The following IMMP2L variants were observed in gnomAD, a reference collection of about 807,000 sequenced individuals.
IMMP2L encodes the protein mitochondrial inner membrane protease subunit 2.
In IMMP2L, 18 loss-of-function variants were observed where a neutral mutation model predicts 19.3. The observed-to-expected ratio is 0.93, with a 90% CI of 0.64 to 1.38. The LOEUF (loss-of-function observed/expected upper bound fraction) is 1.38, where lower values mean the gene tolerates loss of function less well. Ranked by LOEUF, IMMP2L falls within the 40% of genes most tolerant of loss-of-function variation. The probability of loss-of-function intolerance (pLI) is 0.00; values close to 1 mark genes in which losing one functional copy is unlikely to be tolerated. For synonymous variants in IMMP2L, 76 were observed against 73.0 expected (o/e 1.04, Z -0.21); for missense variants, 233 against 218.2 (o/e 1.07, Z -0.43).
At chr7:111,016,605 TTA>T (rs1825610093) in intron 3 of IMMP2L, among the ~76,000 whole-genome samples, 1 of 110,646 alleles carries the variant, frequency 9.0e-6, no homozygotes, top group African/African-American at 3.9e-5. Flanking sequence ...GTACTATATA[TTA>T]TATATAATAT....
intron 3 of IMMP2L, among the ~76,000 whole-genome samples, chr7:111,013,656 C>CAT (rs1369577448): frequency 6.6e-6 from 1 of 152,094 alleles, no homozygotes; most frequent in Non-Finnish European, 1.5e-5. Flanking sequence ...TACAAACTCC[C>CAT]ATATATGCCC....
chr7:111,054,135 G>C (rs1320954153), intron 3 of IMMP2L, among the ~76,000 whole-genome samples: 1 of 152,084 alleles, frequency 6.6e-6, no homozygotes. Context: ...ATTTTTAAGA[G>C]TGTACTTAAA....
At chr7:110,917,148 C>T (rs1363158326) in intron 4 of IMMP2L, among the ~76,000 whole-genome samples, 1 of 152,090 alleles carries the variant, frequency 6.6e-6, no homozygotes, top group Non-Finnish European at 1.5e-5. Context: ...AAGATGGAGG[C>T]AGAGAATGAG....
chr7:111,027,629 G>A (rs896781236), intron 3 of IMMP2L, among the ~76,000 whole-genome samples: 2 of 151,970 alleles, frequency 1.3e-5, no homozygotes, highest in African/African-American at 4.8e-5. Flanking sequence ...AATGCTCTTG[G>A]TCTACAGACA....
chr7:111,399,753 T>C (rs1318262077), intron 3 of IMMP2L, among the ~76,000 whole-genome samples: 1 of 152,130 alleles, frequency 6.6e-6, no homozygotes, highest in Non-Finnish European at 1.5e-5. Flanking sequence ...CTTTTAAACA[T>C]GTAGTAGTAT....
chr7:110,951,831 A>G lies in IMMP2L; in HGVS notation c.305+11669T>C, dbSNP rs527762872. 3.9e-5 allele frequency among the ~76,000 whole-genome samples: 6 copies of G among 152,220 alleles called. No individual in the cohort carries two copies. In the East Asian group the frequency reaches 1.2e-3, roughly 29 times the overall value. Reference sequence around the variant, plus strand: ...TTTTAATAAAAATGTAAAAGCATCCATAACTAATTAAATCAATAACTTGAA... The same window carrying G: ...TTTTAATAAAAATGTAAAAGCATCCGTAACTAATTAAATCAATAACTTGAA... On this transcript the variant is annotated intron_variant, in intron 4 of 5. Transcript: ENST00000405709.
intron 3 of IMMP2L, among the ~76,000 whole-genome samples, chr7:111,353,982 T>C (rs1828443219): frequency 6.6e-6 from 1 of 151,992 alleles, no homozygotes; most frequent in African/African-American, 2.4e-5. Context: ...GGTGATAAAA[T>C]GGTATAAGGA....
chr7:110,689,334 A>G (rs546097852), intron 5 of IMMP2L, among the ~76,000 whole-genome samples: 1 of 152,102 alleles, frequency 6.6e-6, no homozygotes, highest in South Asian at 2.1e-4. Context: ...TAGTATGCAC[A>G]TGTTATTTTT....
chr7:111,333,858 T>C (rs766002318), intron 3 of IMMP2L, among the ~76,000 whole-genome samples: 2 of 152,228 alleles, frequency 1.3e-5, no homozygotes, highest in East Asian at 1.9e-4. Context: ...AGATGGCCTA[T>C]TGTGGGACCT....
intron 3 of IMMP2L, among the ~76,000 whole-genome samples, chr7:110,976,998 T>C (rs1820765520): frequency 6.6e-6 from 1 of 151,946 alleles, no homozygotes. Context: ...ATAACTCTAA[T>C]AAGAAAGAGT....
intron 5 of IMMP2L, among the ~76,000 whole-genome samples, chr7:110,828,935 A>C (rs2131373418): frequency 6.6e-6 from 1 of 152,278 alleles, no homozygotes; most frequent in Middle Eastern, 3.4e-3. Context: ...AATGAGTATA[A>C]GTTCTGTGCC....
Position 111,184,342 on chromosome 7 carries a change from G to T in IMMP2L, c.240-220777C>A, listed in dbSNP as rs183893540. 7.6e-4 allele frequency among the ~76,000 whole-genome samples: 115 copies of T among 151,930 alleles called. 1 individual carries two copies. The highest frequency in any genetic ancestry group is 2.6e-3 in the African/African-American group (107 of 41,438). Reference sequence around the variant, plus strand: ...TCCATCTAAAATGACACCCTGAAAGGTATCATCATTTACAAAAATTATGTT... The same window carrying T: ...TCCATCTAAAATGACACCCTGAAAGTTATCATCATTTACAAAAATTATGTT... On this transcript the variant is annotated intron_variant, in intron 3 of 5. Transcript: ENST00000405709.
At chr7:110,856,624 T>G (rs571325292) in intron 5 of IMMP2L, among the ~76,000 whole-genome samples, 1 of 152,046 alleles carries the variant, frequency 6.6e-6, no homozygotes, top group Non-Finnish European at 1.5e-5. Context: ...TCAAATCAAT[T>G]TGGCACGTAA....
chr7:110,883,857 TA>T (rs1411397121), intron 5 of IMMP2L, among the ~76,000 whole-genome samples: 1 of 151,916 alleles, frequency 6.6e-6, no homozygotes, highest in Non-Finnish European at 1.5e-5. Context: ...TAAAGCTAGA[TA>T]AAAATGATAG....
chr7:111,021,802 G>A (rs1585799490), intron 3 of IMMP2L, among the ~76,000 whole-genome samples: 1 of 152,280 alleles, frequency 6.6e-6, no homozygotes, highest in East Asian at 1.9e-4. Context: ...AGAATTGCTT[G>A]AATCCAGAAG....
At chr7:111,019,518 G>A (rs529220812) in intron 3 of IMMP2L, among the ~76,000 whole-genome samples, 2 of 152,200 alleles carry the variant, frequency 1.3e-5, no homozygotes, top group African/African-American at 4.8e-5. Context: ...AGCCAGTAAG[G>A]GGGCCTCCAC....
chr7:110,666,804 AG>A (rs1791488091), intron 5 of IMMP2L, among the ~76,000 whole-genome samples: 1 of 152,210 alleles, frequency 6.6e-6, no homozygotes, highest in South Asian at 2.1e-4. Flanking sequence ...AATAGTTTCA[AG>A]GTGACTACAC....
At chr7:111,197,322 G>T (rs1809612611) in intron 3 of IMMP2L, among the ~76,000 whole-genome samples, 1 of 152,032 alleles carries the variant, frequency 6.6e-6, no homozygotes, top group Admixed American at 6.6e-5. Flanking sequence ...AATTAGCCGG[G>T]CGTGGTGGCG....
intron 3 of IMMP2L, among the ~76,000 whole-genome samples, chr7:111,367,837 G>A (rs1384011596): frequency 1.3e-5 from 2 of 151,620 alleles, no homozygotes; most frequent in African/African-American, 4.8e-5. Flanking sequence ...GAAAACAGAG[G>A]TAAAATGCCC....
Sources: allele counts gnomAD v4.1 joint callset (sites outside exome capture counted in the v4.1 genomes callset), GRCh38; gene constraint gnomAD v4.1.1; transcripts MANE v1.5; gene names NCBI Gene and HGNC (gene_info 2026-07-23, HGNC 2026-07-21).